Variants in PHTF2 observed in about 807,000 individuals in gnomAD.
The protein encoded by PHTF2 is protein PHTF2.
A neutral mutation model predicts 101.2 loss-of-function variants in PHTF2; 60 were observed. The ratio of observed to expected loss-of-function variants is 0.59; its 90% CI spans 0.48 to 0.73. The LOEUF is 0.73. Ranked by LOEUF, PHTF2 falls within the 30% of genes least tolerant of loss-of-function variation. The pLI is 0.00. For missense variants in PHTF2, 747 were observed against 908.7 expected (o/e 0.82, Z 2.29); for synonymous variants, 311 against 307.3 (o/e 1.01, Z -0.13).
At chr7:77,845,161 A>G (rs1334231063) in intron 2 of PHTF2, among the ~76,000 whole-genome samples, 1 of 152,232 alleles carries the variant, frequency 6.6e-6, no homozygotes, top group Non-Finnish European at 1.5e-5. Flanking sequence ...GGGACCTGAA[A>G]TTACATGTAT....
chr7:77,942,855 T>A (rs181236199), intron 16 of PHTF2, 69 bp downstream of exon 15: 1 of 762,640 alleles, frequency 1.3e-6, no homozygotes, highest in African/African-American at 1.8e-5. Flanking sequence ...TAATAAATAA[T>A]CAAATAATAA....
chr7:77,935,059 C>A (rs918988713), intron 12 of PHTF2, among the ~76,000 whole-genome samples: 2 of 151,328 alleles, frequency 1.3e-5, no homozygotes, highest in Non-Finnish European at 2.9e-5. Flanking sequence ...AAAAAAATTT[C>A]ATGTGATGCT....
chr7:77,827,607 C>T (rs1299048548), intron 1 of PHTF2, among the ~76,000 whole-genome samples: 1 of 152,148 alleles, frequency 6.6e-6, no homozygotes, highest in Non-Finnish European at 1.5e-5. Context: ...CTGCCTTGGA[C>T]TCCCAGAGTG....
At chr7:77,838,069 A>G (rs935391061) in intron 1 of PHTF2, among the ~76,000 whole-genome samples, 19 of 152,176 alleles carry the variant, frequency 1.2e-4, no homozygotes, top group Non-Finnish European at 2.6e-4. Context: ...TTGAGGGGAT[A>G]GGTTATAACC....
chr7:77,934,241 T>C (rs575453444), intron 12 of PHTF2, among the ~76,000 whole-genome samples: 2 of 152,388 alleles, frequency 1.3e-5, no homozygotes, highest in East Asian at 3.9e-4. Flanking sequence ...CTAATCAGAA[T>C]ATTCCCAAAT....
intron 3 of PHTF2, among the ~76,000 whole-genome samples, chr7:77,873,129 A>G (rs1228651913): frequency 2.0e-5 from 3 of 151,978 alleles, no homozygotes; most frequent in East Asian, 1.9e-4. Flanking sequence ...GGGTTTCACA[A>G]TGTTGGCCAA....
chr7:77,851,287 A>T (rs901533176), intron 2 of PHTF2, among the ~76,000 whole-genome samples: 6 of 151,976 alleles, frequency 3.9e-5, no homozygotes, highest in African/African-American at 1.5e-4. Flanking sequence ...CTCATTACTT[A>T]TTATTGGTCT....
chr7:77,837,027 T>C (rs1458419919), intron 1 of PHTF2, among the ~76,000 whole-genome samples: 1 of 150,274 alleles, frequency 6.7e-6, no homozygotes, highest in East Asian at 2.0e-4. Flanking sequence ...GACAATTAAA[T>C]CTATGTCAAG....
intron 3 of PHTF2, among the ~76,000 whole-genome samples, chr7:77,873,055 A>C (rs1190226981): frequency 2.0e-5 from 3 of 152,034 alleles, no homozygotes; most frequent in African/African-American, 7.2e-5. Flanking sequence ...TCAGCCTCCA[A>C]GTAGCTGGGA....
chr7:77,820,978 C>T (rs1000457670), intron 1 of PHTF2, among the ~76,000 whole-genome samples: 4 of 152,128 alleles, frequency 2.6e-5, no homozygotes, highest in Non-Finnish European at 5.9e-5. Flanking sequence ...CATCCTTTTA[C>T]TTCCAACTGT....
chr7:77,854,212 A>G lies in PHTF2; in HGVS notation c.46-521A>G, dbSNP rs6952225. Among the ~76,000 whole-genome samples, 95 of 152,290 alleles carry G rather than the reference A, an allele frequency of 6.2e-4. 1 individual carries two copies. The highest frequency in any genetic ancestry group is 2.2e-3 in the African/African-American group (92 of 41,568). On this transcript the variant is annotated intron_variant, in intron 2 of 19. Coordinates refer to ENST00000416283, the Ensembl canonical transcript of PHTF2. ...GTGACTCTTGCAAACTTGTGCAGGTACTGCTTTGGTTGTCTTCAGTAAGAA... is the reference window on the plus strand; with the variant it reads ...GTGACTCTTGCAAACTTGTGCAGGTGCTGCTTTGGTTGTCTTCAGTAAGAA...
chr7:77,915,979 CTGTGTGTGTGTGTGTG>C (rs34376513), intron 9 of PHTF2, among the ~76,000 whole-genome samples: 1 of 147,830 alleles, frequency 6.8e-6, no homozygotes, highest in East Asian at 2.0e-4. Context: ...ATTTGTGTGT[CTGTGTGTGTGTGTGTG>C]TGTGTGTGTG....
At chr7:77,867,515 G>A (rs1798162540) in intron 3 of PHTF2, among the ~76,000 whole-genome samples, 1 of 152,162 alleles carries the variant, frequency 6.6e-6, no homozygotes, top group South Asian at 2.1e-4. Flanking sequence ...ATACGTGGAA[G>A]GGGTATCAGC....
At chr7:77,903,787 T>C (rs548168679) in intron 7 of PHTF2, among the ~76,000 whole-genome samples, 1 of 152,324 alleles carries the variant, frequency 6.6e-6, no homozygotes, top group South Asian at 2.1e-4. Flanking sequence ...TGAAAACCAC[T>C]GTATGTCTGT....
At chr7:77,803,052 C>G (rs555069355) in intron 1 of PHTF2, among the ~76,000 whole-genome samples, 120 of 152,246 alleles carry the variant, frequency 7.9e-4, no homozygotes, top group African/African-American at 2.8e-3. Flanking sequence ...TAATGTGACA[C>G]AAAATATAGA....
At chr7:77,870,272 A>G (rs1290078748) in intron 3 of PHTF2, among the ~76,000 whole-genome samples, 1 of 134,336 alleles carries the variant, frequency 7.4e-6, no homozygotes, top group East Asian at 2.2e-4. Context: ...GGTATGTTGT[A>G]TTAGGGTTCT....
At chr7:77,807,333 G>A (rs996708658) in intron 1 of PHTF2, among the ~76,000 whole-genome samples, 2 of 151,656 alleles carry the variant, frequency 1.3e-5, no homozygotes, top group Non-Finnish European at 2.9e-5. Flanking sequence ...GTGCACAAAG[G>A]CTCCAGTTGT....
chr7:77,809,081 G>T (rs1422802801), intron 1 of PHTF2, among the ~76,000 whole-genome samples: 1 of 152,062 alleles, frequency 6.6e-6, no homozygotes, highest in Non-Finnish European at 1.5e-5. Flanking sequence ...CATAAGCATT[G>T]TATAGCCAGA....
chr7:77,947,814 AT>A (rs1299597592), intron 16 of PHTF2, among the ~76,000 whole-genome samples: 1 of 89,662 alleles, frequency 1.1e-5, no homozygotes. Flanking sequence ...ATGAAGATTT[AT>A]TTTCTTTTTT....
Sources: allele counts gnomAD v4.1 joint callset (sites outside exome capture counted in the v4.1 genomes callset), GRCh38; gene constraint gnomAD v4.1.1; transcripts MANE v1.5; gene names NCBI Gene and HGNC (gene_info 2026-07-23, HGNC 2026-07-21).